The following PPP2R2B variants were observed in gnomAD, a reference collection of about 807,000 sequenced individuals.
The protein encoded by PPP2R2B is protein phosphatase 2 regulatory subunit Bbeta.
In PPP2R2B, 5 loss-of-function variants were observed where a neutral mutation model predicts 46.0. The observed-to-expected ratio is 0.11, with a 90% CI of 0.06 to 0.23. The LOEUF is 0.23. Among genes scored for constraint, PPP2R2B ranks in the 10% least tolerant of loss-of-function variants. PPP2R2B has a pLI of 1.00. For missense variants in PPP2R2B, 367 were observed against 575.0 expected, an observed-to-expected ratio of 0.64 and a Z score of 3.70; for synonymous variants, 215 against 206.7, an observed-to-expected ratio of 1.04 and a Z score of -0.34.
chr5:146,985,781 T>A (rs1316544548), intron 1 of PPP2R2B, among the ~76,000 whole-genome samples: 1 of 152,162 alleles, frequency 6.6e-6, no homozygotes, highest in Non-Finnish European at 1.5e-5. Context: ...GAAGTAAAAT[T>A]GTCACTGTTT....
chr5:147,053,472 A>G (rs753560411), intron 1 of PPP2R2B, among the ~76,000 whole-genome samples: 1 of 151,928 alleles, frequency 6.6e-6, no homozygotes, highest in East Asian at 1.9e-4. Context: ...TTTCAAATTA[A>G]TAAAATGTGA....
intron 2 of PPP2R2B, among the ~76,000 whole-genome samples, chr5:146,806,471 TA>T (rs1242734306): frequency 2.6e-5 from 4 of 151,698 alleles, no homozygotes; most frequent in South Asian, 2.1e-4. Context: ...GCTTGTAATA[TA>T]AAAAAAAGAA....
chr5:147,001,500 G>T (rs1754175774), intron 1 of PPP2R2B, among the ~76,000 whole-genome samples: 1 of 152,046 alleles, frequency 6.6e-6, no homozygotes, highest in Non-Finnish European at 1.5e-5. Flanking sequence ...AGAAACTCTG[G>T]ACACATCTGA....
chr5:146,711,804 G>T (rs149007853), intron 2 of PPP2R2B, among the ~76,000 whole-genome samples: 2 of 152,178 alleles, frequency 1.3e-5, no homozygotes, highest in Non-Finnish European at 2.9e-5. Flanking sequence ...GTAATGGGAG[G>T]TTGGGATACA....
intron 1 of PPP2R2B, among the ~76,000 whole-genome samples, chr5:146,901,187 A>G (rs137927582): frequency 1.3e-5 from 2 of 152,262 alleles, no homozygotes; most frequent in African/African-American, 4.8e-5. Context: ...TAGTTAACTT[A>G]TTGGTGCTAA....
intron 2 of PPP2R2B, among the ~76,000 whole-genome samples, chr5:147,079,434 T>TTA (rs1260007870): frequency 1.5e-4 from 12 of 80,962 alleles, no homozygotes; most frequent in African/African-American, 4.7e-4. Flanking sequence ...CACACACATT[T>TTA]TATATATATA....
At chr5:146,928,332 C>A (rs942622174) in intron 1 of PPP2R2B, among the ~76,000 whole-genome samples, 5 of 151,784 alleles carry the variant, frequency 3.3e-5, no homozygotes, top group Non-Finnish European at 7.4e-5. Flanking sequence ...CATGCCATCT[C>A]CACTTGGAAA....
intron 1 of PPP2R2B, among the ~76,000 whole-genome samples, chr5:147,002,957 T>A (rs1420464836): frequency 1.4e-4 from 22 of 152,060 alleles, no homozygotes; most frequent in African/African-American, 5.3e-4. Context: ...CCACAAACCC[T>A]GAAAAAGAGG....
At chr5:146,790,558 C>T (rs1756131525) in intron 2 of PPP2R2B, among the ~76,000 whole-genome samples, 1 of 152,130 alleles carries the variant, frequency 6.6e-6, no homozygotes. Flanking sequence ...GAGATCAGTG[C>T]ACAAAGGGGG....
chr5:146,974,457 G>A (rs1752804471), intron 1 of PPP2R2B, among the ~76,000 whole-genome samples: 1 of 152,126 alleles, frequency 6.6e-6, no homozygotes. Flanking sequence ...GTCCCGTGCT[G>A]GGGTTGGTGG....
chr5:146,633,869 C>G (rs976936286), intron 7 of PPP2R2B, among the ~76,000 whole-genome samples: 2 of 152,234 alleles, frequency 1.3e-5, no homozygotes, highest in Non-Finnish European at 2.9e-5. Context: ...CCTTAGGTCT[C>G]AGCTCAGCAG....
chr5:146,590,385 G>GTTTTTTTTTGTGTTTTT (rs1770501303), intron 9 of PPP2R2B, among the ~76,000 whole-genome samples, 159 bp from the exon 10 acceptor site: 3 of 117,732 alleles, frequency 2.5e-5, no homozygotes, highest in African/African-American at 9.1e-5. Context: ...TTGGCTTTTT[G>GTTTTTTTTTGTGTTTTT]TTTTTTTTTT....
intron 1 of PPP2R2B, among the ~76,000 whole-genome samples, chr5:146,931,479 T>C (rs6878648): frequency 0.22 from 33,088 of 152,066 alleles, 3,860 homozygotes; most frequent in East Asian, 0.38. Context: ...CAGTCAAGGG[T>C]ACCCTATAGC....
At chr5:146,604,341 A>T (rs139389638) in intron 7 of PPP2R2B, among the ~76,000 whole-genome samples, 1 of 152,342 alleles carries the variant, frequency 6.6e-6, no homozygotes, top group Non-Finnish European at 1.5e-5. Flanking sequence ...TGCCTGAGTG[A>T]TAGAACTTAG....
At chr5:146,897,991 C>G (rs1393165412) in intron 1 of PPP2R2B, among the ~76,000 whole-genome samples, 2 of 152,100 alleles carry the variant, frequency 1.3e-5, no homozygotes, top group East Asian at 3.9e-4. Flanking sequence ...TTGAGACCAG[C>G]CTGGCCAGCA....
At chr5:146,596,794 A>G (rs1771215989) in intron 8 of PPP2R2B, among the ~76,000 whole-genome samples, 1 of 152,160 alleles carries the variant, frequency 6.6e-6, no homozygotes, top group Non-Finnish European at 1.5e-5. Context: ...AACACTAAAT[A>G]ACAGGGAGTA....
intron 2 of PPP2R2B, among the ~76,000 whole-genome samples, chr5:146,798,267 C>A (rs1756662262): frequency 6.6e-6 from 1 of 152,132 alleles, no homozygotes; most frequent in Non-Finnish European, 1.5e-5. Flanking sequence ...GAGACTTACC[C>A]TCTTCTCTCC....
chr5:147,081,151 A>G (rs2151914946), intron 1 of PPP2R2B: 1 of 1,535,474 alleles, frequency 6.5e-7, no homozygotes, highest in South Asian at 1.2e-5. Context: ...AAACAACACA[A>G]GGAGACACTT....
At chr5:146,851,449 AG>A (rs1171892741) in intron 2 of PPP2R2B, among the ~76,000 whole-genome samples, 1 of 152,136 alleles carries the variant, frequency 6.6e-6, no homozygotes, top group East Asian at 1.9e-4. Flanking sequence ...ACAAGGAAAG[AG>A]ATCCTGTTCC....
Sources: gnomAD v4.1 joint callset for allele counts (sites outside exome capture counted in the v4.1 genomes callset) on GRCh38, gnomAD v4.1.1 for gene constraint, MANE v1.5 for transcripts, NCBI Gene and HGNC (gene_info 2026-07-23, HGNC 2026-07-21) for gene names.